MUC5B: variants seen among roughly 807,000 people sequenced by gnomAD.
The protein encoded by MUC5B is mucin 5B, oligomeric mucus/gel-forming.
In MUC5B, 116 loss-of-function variants were observed where a neutral mutation model predicts 376.9. The ratio of observed to expected loss-of-function variants is 0.31; its 90% CI spans 0.26 to 0.36. MUC5B has a LOEUF of 0.36. MUC5B is among the 10% of genes least tolerant of loss of function. The pLI, the probability that MUC5B is intolerant of heterozygous loss-of-function variation, is 1.00. For missense variants in MUC5B, 7,165 were observed against 7,769.9 expected (o/e 0.92, Z 2.93); for synonymous variants, 3,517 against 3,390.9 (o/e 1.04, Z -1.29).
Position 1,232,507 on chromosome 11 carries a change from G to A in MUC5B, c.1901G>A (p.Arg634His), listed in dbSNP as rs748729956. The A allele has an allele frequency of 5.0e-6, 8 of 1,610,514 alleles. No homozygotes were observed. Among genetic ancestry groups the A allele is most frequent in the Non-Finnish European group, 6.8e-6 (8 of 1,179,134 alleles). The change falls in exon 16 of 49, where the codon CGC becomes CAC. Residue 634 changes from arginine to histidine, a missense_variant. Arg to His is a conservative substitution (Grantham distance 29). This residue lies in a region of MUC5B where 530 missense variants were observed against 604.0 expected (regional missense o/e 0.88). Transcript: ENST00000529681. ...RLTDPNSAFS[R>H]CHSIINPKPF... is the part of the protein sequence containing the mutation. ...ACCGATCCCAACAGTGCCTTCTCGCGCTGCCACTCCATCATCAACCCCAAG... is the reference window on the plus strand; with the variant it reads ...ACCGATCCCAACAGTGCCTTCTCGCACTGCCACTCCATCATCAACCCCAAG...
At position 1,241,889 on chromosome 11, in the gene MUC5B, C is replaced by T. The variant is rs1862293875; in HGVS notation, c.5009C>T (p.Thr1670Ile). The T allele has an allele frequency of 1.2e-6, 2 of 1,612,128 alleles. No individual in the cohort carries two copies. Among genetic ancestry groups the T allele is most frequent in the Non-Finnish European group, 1.7e-6 (2 of 1,179,330 alleles). The change falls in exon 31 of 49, where the codon ACC (threonine) becomes ATC (isoleucine). Residue 1670 changes from threonine (T) to isoleucine (I), a missense_variant. By Grantham distance (89) the Thr-to-Ile change is moderately conservative. Coordinates refer to ENST00000529681, the MANE Select transcript of MUC5B (RefSeq NM_002458.3). The part of the protein sequence containing the change: ...PRYTSTLGTA[T>I]TGGPTTPAGS... ...TACACAAGCACCCTTGGTACAGCCA[C>T]CACGGGAGGCCCCACGACGCCTGCA...
Position 1,254,150 on chromosome 11 carries a change from C to A in MUC5B, c.15276C>A (p.Thr5092=), listed in dbSNP as rs760917440. Residue 5092 remains threonine, a synonymous_variant, in exon 34 of 49, where the codon ACC becomes ACA. Coordinates refer to ENST00000529681, the MANE Select transcript of MUC5B (RefSeq NM_002458.3). ...HYSTFDGTSY[T]FRGNCTYVLM... is the part of the protein sequence containing the mutation. ...CCACCTTTGACGGCACCTCTTACAC[C>A]TTCCGGGGCAACTGCACCTATGTCC... 3.7e-6 allele frequency: 6 copies of A among 1,612,876 alleles called. No homozygotes were observed. Among genetic ancestry groups the A allele is most frequent in the Non-Finnish European group, 4.2e-6 (5 of 1,179,860 alleles).
chr11:1,239,247 A>G (rs1713454808), intron 26 of MUC5B, 191 bp from the exon 27 acceptor site: 7 of 905,662 alleles, frequency 7.7e-6, no homozygotes, highest in Admixed American at 2.5e-5. Flanking sequence ...CTAGGGGACA[A>G]GAGTTCCAAG....
Position 1,246,959 on chromosome 11 carries a change from C to A in MUC5B, c.10079C>A (p.Thr3360Lys), listed in dbSNP as rs202028513. 1.9e-5 allele frequency: 30 copies of A among 1,588,630 alleles called. No homozygotes were observed. In the South Asian group the frequency reaches 3.2e-4, roughly 17 times the overall value. Residue 3360 changes from threonine (T) to lysine (K), a missense_variant, in exon 31 of 49, where the codon ACA becomes AAA. By Grantham distance (78) the Thr-to-Lys change is moderately conservative. Transcript: ENST00000529681. ...SSIPGTTHTA[T>K]VLTTTTTTVA... ...ATCCCGGGGACCACCCACACCGCCA[C>A]AGTGCTGACCACCACCACCACAACT...
At position 1,242,696 on chromosome 11, in the gene MUC5B, T is replaced by G. The variant is rs753643394; in HGVS notation, c.5816T>G (p.Leu1939Arg). 2.5e-6 allele frequency: 4 copies of G among 1,612,712 alleles called. No individual in the cohort carries two copies. The South Asian group carries it at 3.3e-5, about 13-fold the overall frequency. ...AGAACAGCTCCCCCTCCCAAAGTGC[T>G]GACCACCACGGCCACCACACCCACA... The part of the protein sequence containing the change: ...TLRTAPPPKV[L>R]TTTATTPTVT... The change falls in exon 31 of 49, where the codon CTG becomes CGG. Residue 1939 changes from leucine to arginine, a missense_variant. This residue lies in a region of MUC5B where 897 missense variants were observed against 779.6 expected (regional missense o/e 1.15). Transcript: ENST00000529681.
intron 19 of MUC5B, 21 bp downstream of exon 19, chr11:1,233,869 GC>G: frequency 6.4e-7 from 1 of 1,559,490 alleles, no homozygotes. Context: ...CCCCTGCCCT[GC>G]CCTGCCCTGC....
chr11:1,235,025 G>A, intron 21 of MUC5B, 60 bp from the exon 22 acceptor site: 4 of 1,555,760 alleles, frequency 2.6e-6, no homozygotes, highest in Non-Finnish European at 3.5e-6. Flanking sequence ...TGGGTGCCGG[G>A]TCTCAGGAAG....
In MUC5B at chr11:1,253,561, T is replaced by C. The variant is rs936532585; in HGVS notation, c.15218-531T>C. Among the ~76,000 whole-genome samples the C allele has an allele frequency of 2.0e-5, 3 of 152,142 alleles. No individual in the cohort carries two copies. The highest frequency in any genetic ancestry group is 7.2e-5 in the African/African-American group (3 of 41,432). On this transcript the variant is annotated intron_variant, in intron 33 of 48. Coordinates refer to ENST00000529681, the MANE Select transcript of MUC5B (RefSeq NM_002458.3). This position sits in a 1 kb window ranked among gnomAD's most constrained non-coding sequence, Gnocchi z 4.3. ...AAACCGCCACAAGCTGGGGAGCTTATACAACAGAAACCCACTCTCCGTCCT... is the reference window on the plus strand; with the variant it reads ...AAACCGCCACAAGCTGGGGAGCTTACACAACAGAAACCCACTCTCCGTCCT...
In MUC5B at chr11:1,239,929, G is replaced by T. The variant is rs1420397253; in HGVS notation, c.3714G>T (p.Glu1238Asp). 4.3e-6 allele frequency: 7 copies of T among 1,613,248 alleles called. No individual in the cohort carries two copies. The highest frequency in any genetic ancestry group is 5.9e-6 in the Non-Finnish European group (7 of 1,179,702). ...TCGGTGCAAGGGTCCCCACAGCGGA[G>T]AACTGCCAGAGCTGGTGAGGGGGTG... is the stretch of plus-strand genomic sequence containing the variant. ...YDVGARVPTAENCQSCNCTPS... is the reference protein window; with the variant it reads ...YDVGARVPTADNCQSCNCTPS... The change falls in exon 28 of 49, where the codon GAG becomes GAT. Residue 1238 changes from glutamate (E) to aspartate (D), a missense_variant. By Grantham distance (45) the Glu-to-Asp change is conservative (BLOSUM62 2). Around this residue, in one of 31 missense-constraint regions of MUC5B, gnomAD observed 517 missense variants for 545.3 expected, o/e 0.95. Transcript: ENST00000529681.
At chr11:1,224,839 A>G (rs958735591) in intron 1 of MUC5B, among the ~76,000 whole-genome samples, 1 of 152,088 alleles carries the variant, frequency 6.6e-6, no homozygotes, top group African/African-American at 2.4e-5. Flanking sequence ...CCCCTCGCTG[A>G]GCCCTGACCA....
chr11:1,235,119 C>T lies in MUC5B; in HGVS notation c.2665C>T (p.Arg889Trp), dbSNP rs2735722. ...GAACCGGAGGTGGGAGTGCAGCCAC[C>T]GGCTCTGCCTGGGCACCTGCGTGGC... The part of the protein sequence containing the change: ...CRNRRWECSH[R>W]LCLGTCVAYG... The change falls in exon 22 of 49, where the codon CGG (arginine) becomes TGG (tryptophan). Residue 889 changes from arginine (R) to tryptophan (W), a missense_variant. Around this residue, in one of 31 missense-constraint regions of MUC5B, gnomAD observed 530 missense variants for 604.0 expected, o/e 0.88. Coordinates refer to ENST00000529681, the MANE Select transcript of MUC5B (RefSeq NM_002458.3). 4.2e-4 allele frequency: 675 copies of T among 1,612,354 alleles called. No individual in the cohort carries two copies. The highest frequency in any genetic ancestry group is 5.4e-4 in the Non-Finnish European group (635 of 1,179,472).
Position 1,242,720 on chromosome 11 carries a change from C to T in MUC5B, c.5840C>T (p.Thr1947Ile). 6.2e-7 allele frequency: 1 copy of T among 1,613,378 alleles called. No individual in the cohort carries two copies. Among genetic ancestry groups the T allele is most frequent in the Non-Finnish European group, 8.5e-7 (1 of 1,179,556 alleles). Residue 1947 changes from threonine (T) to isoleucine (I), a missense_variant, in exon 31 of 49, where the codon ACA (threonine) becomes ATA (isoleucine). Around this residue, in one of 31 missense-constraint regions of MUC5B, gnomAD observed 897 missense variants for 779.6 expected, o/e 1.15. Transcript: ENST00000529681. Reference protein sequence around the residue: ...KVLTTTATTPTVTSSKATPSS... With the variant: ...KVLTTTATTPIVTSSKATPSS... ...CTGACCACCACGGCCACCACACCCA[C>T]AGTCACCAGCTCCAAAGCCACTCCC...
chr11:1,236,350 AG>A, intron 23 of MUC5B, 35 bp from the exon 24 acceptor site: 1 of 1,577,940 alleles, frequency 6.3e-7, no homozygotes, highest in Non-Finnish European at 8.6e-7. Flanking sequence ...TGGGGGCCAC[AG>A]GGTCGGCTTC....
Position 1,240,395 on chromosome 11 carries a change from C to T in MUC5B, c.3970+20C>T, listed in dbSNP as rs1326824215. On this transcript the variant is annotated intron_variant, in intron 30 of 48. Coordinates refer to ENST00000529681, the MANE Select transcript of MUC5B (RefSeq NM_002458.3). ...CGACAAGTAAGCCCTGCCTGGCTCTCCTGAGGCCCAGTACCGTCTGGGTGA... is the reference window on the plus strand; with the variant it reads ...CGACAAGTAAGCCCTGCCTGGCTCTTCTGAGGCCCAGTACCGTCTGGGTGA... The T allele has an allele frequency of 1.3e-6, 2 of 1,577,292 alleles. No individual in the cohort carries two copies. The highest frequency in any genetic ancestry group is 1.7e-5 in the Admixed American group (1 of 58,276).
chr11:1,237,827 C>T (rs750656796), intron 25 of MUC5B, among the ~76,000 whole-genome samples: 59 of 152,298 alleles, frequency 3.9e-4, no homozygotes, highest in Non-Finnish European at 6.8e-4. Flanking sequence ...CAAGATCGTG[C>T]CACTGCACTC....
chr11:1,255,464 T>C lies in MUC5B; in HGVS notation c.15972T>C (p.Leu5324=), dbSNP rs56229218. 18,495 of 1,537,202 alleles carry C rather than the reference T, an allele frequency of 0.012. 413 individuals are homozygous for C. Among genetic ancestry groups the C allele is most frequent in the Non-Finnish European group, 0.01 (11,742 of 1,119,136 alleles). The part of the protein sequence containing the change: ...ACISDHCRGR[L]EVPCQSLEAY... ...TCAGCGACCACTGCAGGGGCCGCCT[T>C]GAGGTGCCCTGCCAGAGCCTGGAGG... The change falls in exon 37 of 49, where the codon CTT becomes CTC. Residue 5324 remains leucine, a synonymous_variant. Transcript: ENST00000529681.
chr11:1,240,697 C>A (rs187037646), intron 30 of MUC5B, among the ~76,000 whole-genome samples, 154 bp from the exon 31 acceptor site: 1 of 152,236 alleles, frequency 6.6e-6, no homozygotes, highest in Admixed American at 6.5e-5. Flanking sequence ...CATGCAGAAA[C>A]GGCTCTAACC....
chr11:1,229,474 G>C (rs377476826), intron 9 of MUC5B, among the ~76,000 whole-genome samples, 179 bp downstream of exon 9: 2 of 152,142 alleles, frequency 1.3e-5, no homozygotes, highest in African/African-American at 4.8e-5. Flanking sequence ...TGCGTGGAGG[G>C]AGGTAGAGCA....
rs1424072978 is a variant in MUC5B at position 1,246,927 on chromosome 11, C to T, written c.10047C>T (p.Pro3349=). Residue 3349 remains proline (P), a synonymous_variant, in exon 31 of 49, where the codon CCC becomes CCT. Coordinates refer to ENST00000529681, the MANE Select transcript of MUC5B (RefSeq NM_002458.3). ...TPTTRGSTVT[P]SSIPGTTHTA... Reference sequence around the variant, plus strand: ...CAACCAGAGGCTCCACGGTGACCCCCTCCTCCATCCCGGGGACCACCCACA... The same window carrying T: ...CAACCAGAGGCTCCACGGTGACCCCTTCCTCCATCCCGGGGACCACCCACA... The T allele has an allele frequency of 1.9e-6, 3 of 1,610,620 alleles. No individual in the cohort carries two copies. Among genetic ancestry groups the T allele is most frequent in the Non-Finnish European group, 2.5e-6 (3 of 1,178,694 alleles).
Sources: gnomAD v4.1 joint callset for allele counts (sites outside exome capture counted in the v4.1 genomes callset) on GRCh38, gnomAD v4.1.1 for gene constraint, gnomAD v4.1.1 regional missense constraint, Gnocchi (gnomAD v3.1) non-coding constraint, MANE v1.5 for transcripts, NCBI Gene and HGNC (gene_info 2026-07-23, HGNC 2026-07-21) for gene names.